The following RASGRF2 variants were observed in gnomAD, a reference collection of about 807,000 sequenced individuals.
The protein encoded by RASGRF2 is ras-specific guanine nucleotide-releasing factor 2.
A neutral mutation model predicts 151.0 loss-of-function variants in RASGRF2; 76 were observed. The observed-to-expected ratio is 0.50, with a 90% CI of 0.42 to 0.61. The LOEUF is 0.61. Among genes scored for constraint, RASGRF2 ranks in the 20% least tolerant of loss-of-function variants. The pLI, the probability that RASGRF2 is intolerant of heterozygous loss-of-function variation, is 0.00. For missense variants in RASGRF2, 1,148 were observed against 1,564.6 expected, an observed-to-expected ratio of 0.73 and a Z score of 4.49; for synonymous variants, 504 against 566.5, an observed-to-expected ratio of 0.89 and a Z score of 1.57.
chr5:80,998,256 A>C (rs1168787618), intron 1 of RASGRF2, among the ~76,000 whole-genome samples: 1 of 152,120 alleles, frequency 6.6e-6, no homozygotes, highest in Non-Finnish European at 1.5e-5. Context: ...TAATACTGGT[A>C]AATTTCTATT....
intron 19 of RASGRF2, chr5:81,204,163 G>T (rs1199664174): frequency 1.3e-5 from 2 of 152,192 alleles, no homozygotes; most frequent in African/African-American, 4.8e-5. Flanking sequence ...AGTGATGGTG[G>T]TGGGGAACCC....
intron 8 of RASGRF2, among the ~76,000 whole-genome samples, chr5:81,086,220 C>T (rs1752225401): frequency 1.3e-5 from 2 of 151,826 alleles, no homozygotes; most frequent in South Asian, 4.2e-4. Flanking sequence ...AAAATGATAG[C>T]CAGGTGTGGT....
chr5:81,050,078 G>A (rs989355685), intron 2 of RASGRF2, among the ~76,000 whole-genome samples: 3 of 152,086 alleles, frequency 2.0e-5, no homozygotes, highest in Admixed American at 6.6e-5. Context: ...CCTGACCCCA[G>A]CCTAACTGCT....
chr5:81,071,746 T>G (rs1246232673), intron 4 of RASGRF2, among the ~76,000 whole-genome samples: 1 of 152,172 alleles, frequency 6.6e-6, no homozygotes, highest in East Asian at 1.9e-4. Flanking sequence ...ACAAGATTAA[T>G]TCTATTGCCT....
chr5:81,075,659 TG>T (rs1751916720), intron 5 of RASGRF2, among the ~76,000 whole-genome samples: 1 of 152,164 alleles, frequency 6.6e-6, no homozygotes, highest in African/African-American at 2.4e-5. Flanking sequence ...GTTTACTAAA[TG>T]GTAAAGATTG....
intron 5 of RASGRF2, among the ~76,000 whole-genome samples, chr5:81,076,057 C>CA (rs35793158): frequency 6.6e-6 from 1 of 152,068 alleles, no homozygotes; most frequent in Non-Finnish European, 1.5e-5. Flanking sequence ...ACAACGATGC[C>CA]AAAAAAGTCA....
chr5:81,032,169 C>T (rs575757883), intron 1 of RASGRF2, among the ~76,000 whole-genome samples: 1 of 152,180 alleles, frequency 6.6e-6, no homozygotes, highest in Non-Finnish European at 1.5e-5. Context: ...AGCCTACCAA[C>T]CAAAAAAAGT....
chr5:81,223,663 ACT>A (rs1220486831), intron 26 of RASGRF2, among the ~76,000 whole-genome samples: 1 of 151,468 alleles, frequency 6.6e-6, no homozygotes, highest in African/African-American at 2.4e-5. Context: ...AAAATTCAGG[ACT>A]CTACTGGCAC....
intron 13 of RASGRF2, among the ~76,000 whole-genome samples, chr5:81,110,608 G>A (rs1752967413): frequency 6.6e-6 from 1 of 151,954 alleles, no homozygotes; most frequent in Non-Finnish European, 1.5e-5. Context: ...ACGCTTATTA[G>A]GTGAAAATAT....
At chr5:81,127,909 G>A (rs532252807) in intron 17 of RASGRF2, among the ~76,000 whole-genome samples, 1 of 113,698 alleles carries the variant, frequency 8.8e-6, no homozygotes, top group Non-Finnish European at 1.6e-5. Flanking sequence ...GTGTGACAGA[G>A]CAAGACTCCG....
chr5:81,221,277 C>G (rs568522558), intron 26 of RASGRF2, among the ~76,000 whole-genome samples: 1 of 152,114 alleles, frequency 6.6e-6, no homozygotes, highest in South Asian at 2.1e-4. Flanking sequence ...ATGCCTGCCT[C>G]TCCTTGAGAG....
At chr5:81,072,100 A>G (rs112795407) in intron 4 of RASGRF2, among the ~76,000 whole-genome samples, 2,311 of 152,308 alleles carry the variant, frequency 0.015, 64 homozygotes, top group African/African-American at 0.052. Context: ...TCTGCATGGA[A>G]AAAAGTGTTA....
intron 1 of RASGRF2, among the ~76,000 whole-genome samples, chr5:80,996,557 TCCTCCTCCC>T (rs1748886389): frequency 1.8e-5 from 1 of 56,064 alleles, no homozygotes; most frequent in Non-Finnish European, 3.1e-5. Flanking sequence ...CTCCCCCTCC[TCCTCCTCCC>T]CCTCCTCCTC....
intron 12 of RASGRF2, among the ~76,000 whole-genome samples, chr5:81,095,928 T>G (rs1276232885): frequency 6.6e-6 from 1 of 152,218 alleles, no homozygotes; most frequent in African/African-American, 2.4e-5. Context: ...CTTAATCTCA[T>G]TTGACTCTTA....
intron 10 of RASGRF2, among the ~76,000 whole-genome samples, chr5:81,093,362 C>G (rs1752446975): frequency 6.6e-6 from 1 of 152,156 alleles, no homozygotes; most frequent in Non-Finnish European, 1.5e-5. Flanking sequence ...TAGGAGTCAG[C>G]AAACTATGGC....
intron 1 of RASGRF2, among the ~76,000 whole-genome samples, chr5:81,009,697 T>C (rs1358828425): frequency 6.6e-6 from 1 of 152,208 alleles, no homozygotes; most frequent in Admixed American, 6.5e-5. Flanking sequence ...TAAGTAAATA[T>C]TTAAGTAGTA....
chr5:81,134,051 G>A (rs1287611492), intron 17 of RASGRF2, among the ~76,000 whole-genome samples: 2 of 149,834 alleles, frequency 1.3e-5, no homozygotes, highest in African/African-American at 4.9e-5. Flanking sequence ...TGATACTAAT[G>A]TGAAGCCAAG....
At chr5:81,169,250 C>G (rs1443529147) in intron 17 of RASGRF2, among the ~76,000 whole-genome samples, 2 of 152,118 alleles carry the variant, frequency 1.3e-5, no homozygotes, top group Admixed American at 6.5e-5. Context: ...TGGAGCCATT[C>G]CTGATTCCTC....
intron 16 of RASGRF2, among the ~76,000 whole-genome samples, chr5:81,125,702 C>A (rs1753432796): frequency 6.6e-6 from 1 of 152,198 alleles, no homozygotes. Context: ...ACTTTATATT[C>A]TCTTTTCATA....
Sources: gnomAD v4.1 joint callset for allele counts (sites outside exome capture counted in the v4.1 genomes callset) on GRCh38, gnomAD v4.1.1 for gene constraint, MANE v1.5 for transcripts, NCBI Gene and HGNC (gene_info 2026-07-23, HGNC 2026-07-21) for gene names.